Variants in CAP2 observed in about 807,000 individuals in gnomAD.
CAP2 encodes the protein cyclase associated actin cytoskeleton regulatory protein 2.
A neutral mutation model predicts 57.7 loss-of-function variants in CAP2; 24 were observed. The ratio of observed to expected loss-of-function variants is 0.42; its 90% CI spans 0.30 to 0.58. CAP2 has a LOEUF of 0.58. Ranked by LOEUF, CAP2 falls within the 20% of genes least tolerant of loss-of-function variation. CAP2 has a pLI of 0.22. For synonymous variants in CAP2, 194 were observed against 207.2 expected, an observed-to-expected ratio of 0.94 and a Z score of 0.55; for missense variants, 501 against 590.3, an observed-to-expected ratio of 0.85 and a Z score of 1.57.
At chr6:17,493,355 G>A (rs1301726257) in intron 4 of CAP2, 3 of 337,928 alleles carry the variant, frequency 8.9e-6, no homozygotes, top group African/African-American at 2.1e-5. Context: ...TGAAACCAAG[G>A]CTAAAGGTTG....
At chr6:17,529,650 A>AT (rs1283118707) in intron 7 of CAP2, among the ~76,000 whole-genome samples, 202 of 140,262 alleles carry the variant, frequency 1.4e-3, no homozygotes, top group South Asian at 3.4e-3. Context: ...CAAAAAAAAA[A>AT]AATATATATA....
rs1208341495 is a variant in CAP2 at position 17,541,112 on chromosome 6, C to T, written c.966C>T (p.Ala322=). 1.9e-6 allele frequency: 3 copies of T among 1,613,694 alleles called. No homozygotes were observed. Among genetic ancestry groups the T allele is most frequent in the South Asian group, 1.1e-5 (1 of 90,930 alleles). The part of the protein sequence containing the change: ...SPKSYPSQKH[A]PVLELEGKKW... ...AATCTTATCCTTCTCAAAAACATGC[C>T]CCAGTGTTGGAGTTGGAAGGAAAGA... The change falls in exon 9 of 13, where the codon GCC becomes GCT. Residue 322 remains alanine (A), a synonymous_variant. Coordinates refer to ENST00000229922, the MANE Select transcript of CAP2 (RefSeq NM_006366.3).
At position 17,436,762 on chromosome 6, in the gene CAP2, CTA is replaced by C. The variant is rs368279045; in HGVS notation, c.222+10074_222+10075del. ...AGGAGCCTGTGGATGCTGATGCCATCTATGTCAGGGGTCCCCATCCCTGTTAG... is the reference window on the plus strand; with the variant it reads ...AGGAGCCTGTGGATGCTGATGCCATCTGTCAGGGGTCCCCATCCCTGTTAG... On this transcript the variant is annotated intron_variant, in intron 3 of 12. Transcript: ENST00000229922. Among the ~76,000 whole-genome samples, 24 of 152,162 alleles carry C rather than the reference CTA, an allele frequency of 1.6e-4. 1 individual carries two copies. The highest frequency in any genetic ancestry group is 5.5e-4 in the African/African-American group (23 of 41,500).
At chr6:17,522,047 T>G (rs941280623) in intron 7 of CAP2, among the ~76,000 whole-genome samples, 1 of 151,922 alleles carries the variant, frequency 6.6e-6, no homozygotes. Flanking sequence ...AGGTGGAGGT[T>G]GCAGTCAGCC....
At chr6:17,424,281 T>A (rs1479712356) in intron 2 of CAP2, among the ~76,000 whole-genome samples, 14 of 152,024 alleles carry the variant, frequency 9.2e-5, no homozygotes, top group Admixed American at 9.2e-4. Flanking sequence ...GCGCCTGTAG[T>A]CCCAGCTACT....
chr6:17,476,580 T>G (rs1032292473), intron 4 of CAP2, among the ~76,000 whole-genome samples: 7 of 152,184 alleles, frequency 4.6e-5, no homozygotes, highest in African/African-American at 1.7e-4. Flanking sequence ...AATCACAGCA[T>G]TCTGAGGCTG....
intron 3 of CAP2, among the ~76,000 whole-genome samples, chr6:17,438,639 C>G (rs1277767883): frequency 6.8e-6 from 1 of 146,076 alleles, no homozygotes; most frequent in Non-Finnish European, 1.5e-5. Flanking sequence ...CGGGGTTTCA[C>G]AGTGTTAGCC....
At chr6:17,424,669 A>G (rs1222098172) in intron 2 of CAP2, among the ~76,000 whole-genome samples, 2 of 152,210 alleles carry the variant, frequency 1.3e-5, no homozygotes, top group African/African-American at 4.8e-5. Context: ...GTCTCAATGC[A>G]TTACTATTCA....
chr6:17,480,439 C>T (rs1276975709), intron 4 of CAP2, among the ~76,000 whole-genome samples: 1 of 152,192 alleles, frequency 6.6e-6, no homozygotes, highest in Admixed American at 6.5e-5. Context: ...ACTGCTTTCT[C>T]TAAAGCTCAA....
intron 4 of CAP2, 63 bp downstream of exon 4, chr6:17,463,136 G>A: frequency 8.6e-7 from 1 of 1,156,518 alleles, no homozygotes; most frequent in Non-Finnish European, 1.3e-6. Flanking sequence ...TGGAAAACAA[G>A]GAGGCAACAG....
intron 5 of CAP2, 79 bp from the exon 6 acceptor site, chr6:17,507,562 T>G: frequency 1.1e-6 from 1 of 947,416 alleles, no homozygotes. Flanking sequence ...TCCATTGCTT[T>G]TCTTCTTCTT....
Position 17,497,666 on chromosome 6 carries a change from T to C in CAP2, c.301-9503T>C, listed in dbSNP as rs1247081745. On this transcript the variant is annotated intron_variant, in intron 4 of 12. Coordinates refer to ENST00000229922, the MANE Select transcript of CAP2 (RefSeq NM_006366.3). Reference sequence around the variant, plus strand: ...AATCCAGCATTTTCTGGAACTCATGTTGTCAAGTTCCCTTATACAAGGGAA... The same window carrying C: ...AATCCAGCATTTTCTGGAACTCATGCTGTCAAGTTCCCTTATACAAGGGAA... 2.6e-5 allele frequency among the ~76,000 whole-genome samples: 4 copies of C among 152,208 alleles called. No homozygotes were observed. In the East Asian group the frequency reaches 7.7e-4, roughly 29 times the overall value.
At chr6:17,486,019 A>G (rs568531652) in intron 4 of CAP2, among the ~76,000 whole-genome samples, 65 of 152,348 alleles carry the variant, frequency 4.3e-4, no homozygotes, top group African/African-American at 1.3e-3. Context: ...ACAATCACCT[A>G]TAATATATTT....
chr6:17,496,266 G>T (rs560792997), intron 4 of CAP2, among the ~76,000 whole-genome samples: 1 of 152,212 alleles, frequency 6.6e-6, no homozygotes, highest in East Asian at 1.9e-4. Context: ...GAAATTAAAA[G>T]CTCCGTGGAT....
intron 3 of CAP2, among the ~76,000 whole-genome samples, chr6:17,433,004 T>C (rs901886415): frequency 2.2e-5 from 3 of 137,126 alleles, no homozygotes; most frequent in Non-Finnish European, 4.7e-5. Context: ...TCCATCTATC[T>C]GTCTTTCTAT....
chr6:17,538,456 T>C (rs1762823635), intron 7 of CAP2, among the ~76,000 whole-genome samples: 1 of 152,072 alleles, frequency 6.6e-6, no homozygotes, highest in African/African-American at 2.4e-5. Flanking sequence ...CCCTGTCTCC[T>C]TAAAAAAAAG....
At chr6:17,436,424 C>T (rs556858155) in intron 3 of CAP2, among the ~76,000 whole-genome samples, 5 of 152,206 alleles carry the variant, frequency 3.3e-5, no homozygotes, top group African/African-American at 9.6e-5. Flanking sequence ...TGAGCCACCG[C>T]GCCTGGCCCA....
intron 4 of CAP2, among the ~76,000 whole-genome samples, chr6:17,464,772 T>C (rs1400921891): frequency 6.6e-6 from 1 of 152,240 alleles, no homozygotes; most frequent in Non-Finnish European, 1.5e-5. Flanking sequence ...ATTTTCCTCC[T>C]TGCTCTTCTC....
intron 1 of CAP2, among the ~76,000 whole-genome samples, chr6:17,399,844 G>T (rs1173525998): frequency 2.0e-5 from 3 of 152,150 alleles, no homozygotes; most frequent in African/African-American, 4.8e-5. Context: ...CCAAGAGGCT[G>T]AACATAGAAG....
Sources: allele counts gnomAD v4.1 joint callset (sites outside exome capture counted in the v4.1 genomes callset), GRCh38; gene constraint gnomAD v4.1.1; transcripts MANE v1.5; gene names NCBI Gene and HGNC (gene_info 2026-07-23, HGNC 2026-07-21).